The following POLR2C variants were observed in gnomAD, a reference collection of about 807,000 sequenced individuals.
The protein encoded by POLR2C is DNA-directed RNA polymerase II subunit RPB3.
POLR2C carries 36 observed loss-of-function variants against 41.7 expected under a neutral mutation model. The observed-to-expected ratio is 0.86, with a 90% CI of 0.66 to 1.14. POLR2C has a LOEUF of 1.14. Ranked by LOEUF, POLR2C falls within the 50% of genes most tolerant of loss-of-function variation. The probability of loss-of-function intolerance (pLI) is 0.00; values close to 1 mark genes in which losing one functional copy is unlikely to be tolerated. For missense variants in POLR2C, 260 were observed against 350.4 expected, an observed-to-expected ratio of 0.74 and a Z score of 2.06; for synonymous variants, 133 against 137.8, an observed-to-expected ratio of 0.96 and a Z score of 0.25.
chr16:57,469,339 C>A lies in POLR2C; in HGVS notation c.387+46C>A. 1 of 1,608,726 alleles carries A rather than the reference C, an allele frequency of 6.2e-7. No homozygotes were observed. The highest frequency in any genetic ancestry group is 1.1e-5 in the South Asian group (1 of 90,906). ...TCTTTTCCCTGGGATCTTTTCTCTT[C>A]TCTGGCTGGCTCCAAGTGGGCCAGA... On this transcript the variant is annotated intron_variant, in intron 5 of 8. Coordinates refer to ENST00000219252, the MANE Select transcript of POLR2C (RefSeq NM_032940.3). The surrounding 1 kb of genome is among the most constrained non-coding windows in gnomAD (Gnocchi z 5.8).
chr16:57,469,309 C>G lies in POLR2C; in HGVS notation c.387+16C>G. On this transcript the variant is annotated intron_variant, in intron 5 of 8. Transcript: ENST00000219252. This position sits in a 1 kb window ranked among gnomAD's most constrained non-coding sequence, Gnocchi z 5.8. ...GGTCATTCCGGTCAGTGCGGGAGAG[C>G]ATCCTCTTTTCCCTGGGATCTTTTC... 6 of 1,613,822 alleles carry G rather than the reference C, an allele frequency of 3.7e-6. No individual in the cohort carries two copies. The highest frequency in any genetic ancestry group is 4.2e-6 in the Non-Finnish European group (5 of 1,179,690).
At chr16:57,463,595 C>T in intron 2 of POLR2C, 2 of 448,676 alleles carry the variant, frequency 4.5e-6, no homozygotes, top group East Asian at 7.1e-5. Context: ...TATGTCCGTG[C>T]GTACCCAGTT....
chr16:57,464,560 T>C (rs192553578), intron 2 of POLR2C, among the ~76,000 whole-genome samples: 1 of 152,298 alleles, frequency 6.6e-6, no homozygotes, highest in Admixed American at 6.5e-5. Flanking sequence ...AAAATAAATA[T>C]AAGTCATAGC....
At chr16:57,463,663 G>A (rs1598042449) in intron 2 of POLR2C, 4 of 454,048 alleles carry the variant, frequency 8.8e-6, no homozygotes, top group African/African-American at 6.0e-5. Flanking sequence ...TAGGATAATG[G>A]CTTCCAGGCC....
rs372113223 is a variant in POLR2C at position 57,471,009 on chromosome 16, C to T, written c.718C>T (p.Arg240Cys). The change falls in exon 9 of 9, where the codon CGT (arginine) becomes TGT (cysteine). Residue 240 changes from arginine (R) to cysteine (C), a missense_variant. By Grantham distance (180) the Arg-to-Cys change is radical. Coordinates refer to ENST00000219252, the MANE Select transcript of POLR2C (RefSeq NM_032940.3). ...CAATGTGGAGTCCTGTGGCTCTCTG[C>T]GTCCTGAAACCATTGTCCTGTCAGC... is the stretch of plus-strand genomic sequence containing the variant. ...YYNVESCGSL[R>C]PETIVLSALS... The T allele has an allele frequency of 2.5e-6, 4 of 1,613,562 alleles. No homozygotes were observed. The highest frequency in any genetic ancestry group is 1.3e-5 in the African/African-American group (1 of 74,890).
intron 8 of POLR2C, 43 bp downstream of exon 8, chr16:57,470,397 G>A: frequency 6.7e-7 from 1 of 1,482,170 alleles, no homozygotes; most frequent in Non-Finnish European, 9.2e-7. Context: ...TGTGGAAGAA[G>A]GGATGGTTTT....
At position 57,469,492 on chromosome 16, in the gene POLR2C, A is replaced by G; in HGVS notation, c.387+199A>G. 1.4e-6 allele frequency: 1 copy of G among 721,846 alleles called. No individual in the cohort carries two copies. The highest frequency in any genetic ancestry group is 2.7e-5 in the East Asian group (1 of 37,208). 44.7% of individuals were successfully genotyped at this position (721,846 alleles called of 1,614,324 possible). A position where few individuals can be genotyped will look rare whatever the true frequency, so the allele number is the denominator to read the frequency against. On this transcript the variant is annotated intron_variant, in intron 5 of 8. Transcript: ENST00000219252. This position sits in a 1 kb window ranked among gnomAD's most constrained non-coding sequence, Gnocchi z 5.8. ...TCGTTGGTGCTGCGCACCCTCTATC[A>G]CCCAGGGACTCTTTTAAAGGCCATG...
chr16:57,470,880 G>A, intron 8 of POLR2C, 95 bp from the exon 9 acceptor site: 2 of 1,257,310 alleles, frequency 1.6e-6, no homozygotes, highest in Non-Finnish European at 2.3e-6. Flanking sequence ...TGTGGGAACA[G>A]AGCCAAGACC....
rs2043960094 is a variant in POLR2C, at chr16:57,470,460, A to G, written c.683+106A>G. The stretch of plus-strand genomic sequence containing the variant: ...TCTCCCCCACCTCGCAGTTCTCATA[A>G]GCTGAGGAGGGGCTGCTGACTGCTA... On this transcript the variant is annotated intron_variant, in intron 8 of 8. Coordinates refer to ENST00000219252, the MANE Select transcript of POLR2C (RefSeq NM_032940.3). The G allele has an allele frequency of 3.7e-6, 3 of 803,606 alleles. No homozygotes were observed. In the Admixed American group the frequency reaches 7.2e-5, roughly 19 times the overall value. The allele number at this position is 803,606 out of a possible 1,614,324, so 49.8% of individuals were successfully genotyped here.
rs1427700793 is a variant in POLR2C at position 57,469,006 on chromosome 16, G to A, written c.259-159G>A. Among the ~76,000 whole-genome samples the A allele has an allele frequency of 1.3e-5, 2 of 152,202 alleles. No homozygotes were observed. Among genetic ancestry groups the A allele is most frequent in the African/African-American group, 4.8e-5 (2 of 41,454 alleles). ...GGCAGTCCATGAGAATGGTATACCA[G>A]ATTGTCACAGCCCACAAGAACCTGG... On this transcript the variant is annotated intron_variant, in intron 4 of 8. Coordinates refer to ENST00000219252, the MANE Select transcript of POLR2C (RefSeq NM_032940.3). The surrounding 1 kb of genome is among the most constrained non-coding windows in gnomAD (Gnocchi z 5.8).
intron 2 of POLR2C, 56 bp from the exon 3 acceptor site, chr16:57,465,897 A>G: frequency 9.4e-7 from 1 of 1,064,658 alleles, no homozygotes; most frequent in South Asian, 1.3e-5. Flanking sequence ...CCACTGCATT[A>G]AGTCTGTAGG....
In POLR2C at chr16:57,469,466, A is replaced by G. The variant is rs1213177772; in HGVS notation, c.387+173A>G. ...TGGATTCCTCTTGGGCATCGTTAGCATCGTTGGTGCTGCGCACCCTCTATC... is the reference window on the plus strand; with the variant it reads ...TGGATTCCTCTTGGGCATCGTTAGCGTCGTTGGTGCTGCGCACCCTCTATC... On this transcript the variant is annotated intron_variant, in intron 5 of 8. Transcript: ENST00000219252. The surrounding 1 kb of genome is among the most constrained non-coding windows in gnomAD (Gnocchi z 5.8). 2.5e-6 allele frequency: 2 copies of G among 787,612 alleles called. No homozygotes were observed. Among genetic ancestry groups the G allele is most frequent in the Non-Finnish European group, 2.1e-6 (1 of 468,148 alleles). 48.8% of individuals were successfully genotyped at this position (787,612 alleles called of 1,614,324 possible).
At chr16:57,466,369 G>C (rs1385388756) in intron 4 of POLR2C, 142 bp downstream of exon 4, 17 of 680,342 alleles carry the variant, frequency 2.5e-5, no homozygotes, top group Non-Finnish European at 3.9e-5. Context: ...TAGAGCCTGG[G>C]CAGGCCTTGG....
In POLR2C at chr16:57,470,065, G is replaced by T. The variant is rs901733146; in HGVS notation, c.544G>T (p.Val182Leu). 3.1e-6 allele frequency: 5 copies of T among 1,614,084 alleles called. No individual in the cohort carries two copies. The highest frequency in any genetic ancestry group is 4.2e-6 in the Non-Finnish European group (5 of 1,180,038). ...EHAKWNPTAG[V>L]AFEYDPDNAL... ...TGCCAAGTGGAACCCTACTGCAGGG[G>T]TGGCTTTTGAATACGATCCAGACAA... Residue 182 changes from valine to leucine, a missense_variant, in exon 7 of 9, where the codon GTG becomes TTG. Physicochemically the swap from Val to Leu is conservative, Grantham distance 32. Transcript: ENST00000219252.
intron 4 of POLR2C, among the ~76,000 whole-genome samples, chr16:57,468,501 C>T (rs2030758592): frequency 6.6e-6 from 1 of 152,206 alleles, no homozygotes; most frequent in Admixed American, 6.5e-5. Context: ...TGCTTGATTG[C>T]ATCCTAGTAA....
Position 57,470,967 on chromosome 16 carries a change from C to T in POLR2C, c.684-8C>T. 1 of 1,613,882 alleles carries T rather than the reference C, an allele frequency of 6.2e-7. No homozygotes were observed. The highest frequency in any genetic ancestry group is 1.7e-5 in the Admixed American group (1 of 60,026). Reference sequence around the variant, plus strand: ...TCGCAGTGCACTCACTGGACTCTTGCCTCCTAGGTTTTACTACAATGTGGA... The same window carrying T: ...TCGCAGTGCACTCACTGGACTCTTGTCTCCTAGGTTTTACTACAATGTGGA... On this transcript the variant is annotated splice_polypyrimidine_tract_variant and splice_region_variant and intron_variant, in intron 8 of 8. Coordinates refer to ENST00000219252, the MANE Select transcript of POLR2C (RefSeq NM_032940.3).
Position 57,469,077 on chromosome 16 carries a change from G to C in POLR2C, c.259-88G>C. 7.5e-7 allele frequency: 1 copy of C among 1,330,014 alleles called. No homozygotes were observed. The highest frequency in any genetic ancestry group is 1.1e-6 in the Non-Finnish European group (1 of 942,090). The allele number at this position is 1,330,014 out of a possible 1,614,324, so 82.4% of individuals were successfully genotyped here. On this transcript the variant is annotated intron_variant, in intron 4 of 8. Coordinates refer to ENST00000219252, the MANE Select transcript of POLR2C (RefSeq NM_032940.3). This position sits in a 1 kb window ranked among gnomAD's most constrained non-coding sequence, Gnocchi z 5.8. The stretch of plus-strand genomic sequence containing the variant: ...ACAGGTGAAGAAACTTAAGGAACTG[G>C]GCATTAGATGCAGGAAGCCAAGACA...
In POLR2C at chr16:57,471,340, A is replaced by G; in HGVS notation, c.*221A>G. On this transcript the variant is annotated 3_prime_UTR_variant, in exon 9 of 9. Coordinates refer to ENST00000219252, the MANE Select transcript of POLR2C (RefSeq NM_032940.3). Reference sequence around the variant, plus strand: ...TTACTGGCCCTGACTGCTGTTAATAATTGGCAGCAGTGCTCCCCAGATCCC... The same window carrying G: ...TTACTGGCCCTGACTGCTGTTAATAGTTGGCAGCAGTGCTCCCCAGATCCC... 1 of 530,672 alleles carries G rather than the reference A, an allele frequency of 1.9e-6. No individual in the cohort carries two copies. The highest frequency in any genetic ancestry group is 3.4e-6 in the Non-Finnish European group (1 of 296,646). The allele number at this position is 530,672 out of a possible 1,614,324, so 32.9% of individuals were successfully genotyped here.
chr16:57,467,430 T>C (rs1489607591), intron 4 of POLR2C, among the ~76,000 whole-genome samples: 1 of 152,236 alleles, frequency 6.6e-6, no homozygotes, highest in African/African-American at 2.4e-5. Flanking sequence ...TTTGGCGATA[T>C]CTTACATAAA....
Sources: allele counts gnomAD v4.1 joint callset (sites outside exome capture counted in the v4.1 genomes callset), GRCh38; gene constraint gnomAD v4.1.1; non-coding constraint Gnocchi (gnomAD v3.1); transcripts MANE v1.5; gene names NCBI Gene and HGNC (gene_info 2026-07-23, HGNC 2026-07-21).